The following SIRT5 variants were observed in gnomAD, a reference collection of about 807,000 sequenced individuals.
SIRT5 encodes the protein NAD-dependent protein deacylase sirtuin-5, mitochondrial.
A neutral mutation model predicts 40.0 loss-of-function variants in SIRT5; 26 were observed. That is an observed-to-expected ratio of 0.65 (90% CI 0.48 to 0.90). The LOEUF is 0.90. Among genes scored for constraint, SIRT5 ranks in the 40% least tolerant of loss-of-function variants. The pLI is 0.00. For missense variants in SIRT5, 401 were observed against 402.4 expected, an observed-to-expected ratio of 1.00 and a Z score of 0.03; for synonymous variants, 146 against 149.1, an observed-to-expected ratio of 0.98 and a Z score of 0.15.
chr6:13,610,111 C>T (rs1763639515), intron 9 of SIRT5, among the ~76,000 whole-genome samples: 1 of 152,128 alleles, frequency 6.6e-6, no homozygotes, highest in South Asian at 2.1e-4. Flanking sequence ...GGACTACAAG[C>T]TCGTGTCACC....
chr6:13,586,821 G>A (rs922127366), intron 3 of SIRT5, among the ~76,000 whole-genome samples: 1 of 152,116 alleles, frequency 6.6e-6, no homozygotes, highest in African/African-American at 2.4e-5. Flanking sequence ...CTGCTTAGAG[G>A]GAGTCAACCA....
intron 9 of SIRT5, among the ~76,000 whole-genome samples, chr6:13,610,368 G>A (rs903923235): frequency 6.6e-6 from 1 of 152,088 alleles, no homozygotes; most frequent in Non-Finnish European, 1.5e-5. Context: ...CATACTTAGC[G>A]ATCTATTCAC....
At chr6:13,592,133 C>T (rs562869139) in intron 5 of SIRT5, among the ~76,000 whole-genome samples, 16 of 152,322 alleles carry the variant, frequency 1.1e-4, no homozygotes, top group East Asian at 9.7e-4. Flanking sequence ...CCTCCATCCT[C>T]GCTGCTCAGG....
At position 13,614,403 on chromosome 6, in the gene SIRT5, G is replaced by C. The variant is rs991999955; in HGVS notation, c.*2538G>C. 5 of 152,280 alleles carry C rather than the reference G, an allele frequency of 3.3e-5. No homozygotes were observed. The highest frequency in any genetic ancestry group is 7.3e-5 in the Non-Finnish European group (5 of 68,094). The allele number at this position is 152,280 out of a possible 1,614,324, so 9.4% of individuals were successfully genotyped here. A position where few individuals can be genotyped will look rare whatever the true frequency, so the allele number is the denominator to read the frequency against. On this transcript the variant is annotated 3_prime_UTR_variant, in exon 10 of 10. Transcript: ENST00000606117. ...TGGGGGGCTGCGGCAGTAGAGGGAA[G>C]AGCACGGTCGGTACAAATGCATGGC... is the stretch of plus-strand genomic sequence containing the variant.
chr6:13,575,114 T>A (rs1045362932), intron 1 of SIRT5, among the ~76,000 whole-genome samples: 3 of 152,082 alleles, frequency 2.0e-5, no homozygotes, highest in Non-Finnish European at 4.4e-5. Context: ...GTCCCAGTGC[T>A]TCGGGGGGAG....
chr6:13,600,828 T>A lies in SIRT5; in HGVS notation c.742-6T>A. ...GTTTGTTCATCTCCGTGTACTTGCC[T>A]TGTAGGTGGGCACTTCCTCTGTGGT... is the stretch of plus-strand genomic sequence containing the variant. On this transcript the variant is annotated splice_region_variant and splice_polypyrimidine_tract_variant and intron_variant, in intron 8 of 9. Coordinates refer to ENST00000606117, the MANE Select transcript of SIRT5 (RefSeq NM_012241.5). 1 of 1,608,680 alleles carries A rather than the reference T, an allele frequency of 6.2e-7. No homozygotes were observed. The highest frequency in any genetic ancestry group is 8.5e-7 in the Non-Finnish European group (1 of 1,176,508).
At chr6:13,576,006 A>G (rs1758584579) in intron 1 of SIRT5, among the ~76,000 whole-genome samples, 1 of 152,204 alleles carries the variant, frequency 6.6e-6, no homozygotes, top group South Asian at 2.1e-4. Context: ...TTAAGACTGT[A>G]TAGTATTCCA....
rs773696071 is a variant in SIRT5 at position 13,614,287 on chromosome 6, A to G, written c.*2422A>G. 6 of 152,214 alleles carry G rather than the reference A, an allele frequency of 3.9e-5. No individual in the cohort carries two copies. Among genetic ancestry groups the G allele is most frequent in the Non-Finnish European group, 7.3e-5 (5 of 68,046 alleles). 9.4% of individuals were successfully genotyped at this position (152,214 alleles called of 1,614,324 possible). On this transcript the variant is annotated 3_prime_UTR_variant, in exon 10 of 10. Transcript: ENST00000606117. ...ATTTGTGCGGGTTCAGACCAGCGCA[A>G]TTAGAGATGGGCAGAGTGGGATGGG...
intron 5 of SIRT5, among the ~76,000 whole-genome samples, chr6:13,594,108 C>A (rs1761283519): frequency 6.6e-6 from 1 of 152,190 alleles, no homozygotes; most frequent in South Asian, 2.1e-4. Context: ...GCTTTCCTTC[C>A]TGAAGTGGCC....
chr6:13,574,826 C>G (rs1329276696), intron 1 of SIRT5, 82 bp downstream of exon 1: 1 of 152,368 alleles, frequency 6.6e-6, no homozygotes, highest in African/African-American at 2.4e-5. Flanking sequence ...TAATCCCACC[C>G]GAGCAGGTGG....
rs1562288305 is a variant in SIRT5 at position 13,615,042 on chromosome 6, G to A, written c.*3177G>A. The A allele has an allele frequency of 5.8e-6, 2 of 344,902 alleles. No homozygotes were observed. Among genetic ancestry groups the A allele is most frequent in the Non-Finnish European group, 1.1e-5 (2 of 189,132 alleles). The allele number at this position is 344,902 out of a possible 1,614,324, so 21.4% of individuals were successfully genotyped here. On this transcript the variant is annotated 3_prime_UTR_variant, in exon 10 of 10. Coordinates refer to ENST00000606117, the MANE Select transcript of SIRT5 (RefSeq NM_012241.5). ...TTCTGAGCACCGGACAGCGTGAGCC[G>A]TGCCAGCCCTGTCTCGCCATCCCAG...
At chr6:13,591,602 G>C in intron 4 of SIRT5, 67 bp from the exon 5 acceptor site, 1 of 1,341,714 alleles carries the variant, frequency 7.5e-7, no homozygotes, top group Non-Finnish European at 1.0e-6. Context: ...GGAAGGGCCT[G>C]TGCCCCAGGG....
rs1372305121 is a variant in SIRT5, at chr6:13,590,023, C to T, written c.249+1559C>T. ...CAACCTCTCACGTGGCAAAGGCTGG[C>T]ATTACCACTAAGCAGAGGGGCCTTT... is the stretch of plus-strand genomic sequence containing the variant. On this transcript the variant is annotated intron_variant, in intron 4 of 9. Coordinates refer to ENST00000606117, the MANE Select transcript of SIRT5 (RefSeq NM_012241.5). Among the ~76,000 whole-genome samples, 5 of 152,264 alleles carry T rather than the reference C, an allele frequency of 3.3e-5. No individual in the cohort carries two copies. The South Asian group carries it at 1.0e-3, about 32-fold the overall frequency.
chr6:13,611,777 T>G lies in SIRT5; in HGVS notation c.858-13T>G, dbSNP rs781700642. 14 of 1,600,956 alleles carry G rather than the reference T, an allele frequency of 8.7e-6. No homozygotes were observed. The highest frequency in any genetic ancestry group is 5.4e-5 in the African/African-American group (4 of 74,636). ...GTAGTTCAAAACTGCTGTATTTGCT[T>G]CTTCTCTTTCAGGTTTCATTTCCAG... On this transcript the variant is annotated splice_polypyrimidine_tract_variant and intron_variant, in intron 9 of 9. Transcript: ENST00000606117.
At chr6:13,583,899 A>G (rs1479414158) in intron 2 of SIRT5, among the ~76,000 whole-genome samples, 177 bp from the exon 3 acceptor site, 3 of 152,196 alleles carry the variant, frequency 2.0e-5, no homozygotes, top group Non-Finnish European at 4.4e-5. Flanking sequence ...AGTTCAGAGG[A>G]TGATCTGTTA....
chr6:13,581,739 A>C (rs934277850), intron 2 of SIRT5, among the ~76,000 whole-genome samples: 1 of 152,198 alleles, frequency 6.6e-6, no homozygotes, highest in African/African-American at 2.4e-5. Flanking sequence ...TCTATTGAAC[A>C]TAAACCACGT....
At chr6:13,574,330 C>G (rs1019815544), upstream of SIRT5, among the ~76,000 whole-genome samples, 1 of 152,094 alleles carries the variant, frequency 6.6e-6, no homozygotes, top group African/African-American at 2.4e-5. Context: ...TGCGCCGGGC[C>G]GGGGTCTCCG....
intron 8 of SIRT5, 128 bp from the exon 9 acceptor site, chr6:13,600,706 C>T (rs1762259225): frequency 3.2e-6 from 2 of 630,264 alleles, no homozygotes; most frequent in Non-Finnish European, 5.6e-6. Context: ...CTGTTTTATC[C>T]CATCCTGTTT....
chr6:13,584,570 C>T (rs1401380084), intron 3 of SIRT5, among the ~76,000 whole-genome samples: 1 of 152,038 alleles, frequency 6.6e-6, no homozygotes, highest in African/African-American at 2.4e-5. Context: ...AGGATGGTCT[C>T]GATCTCTTGA....
Sources: allele counts gnomAD v4.1 joint callset (sites outside exome capture counted in the v4.1 genomes callset), GRCh38; gene constraint gnomAD v4.1.1; transcripts MANE v1.5; gene names NCBI Gene and HGNC (gene_info 2026-07-23, HGNC 2026-07-21).